The following ALK variants were observed in gnomAD, a reference collection of about 807,000 sequenced individuals.
ALK encodes ALK tyrosine kinase receptor.
In ALK, 74 loss-of-function variants were observed where a neutral mutation model predicts 163.1. The observed-to-expected ratio is 0.45, with a 90% CI of 0.38 to 0.55. The LOEUF is 0.55. Among genes scored for constraint, ALK ranks in the 20% least tolerant of loss-of-function variants. The probability of loss-of-function intolerance (pLI) is 0.00; values close to 1 mark genes in which losing one functional copy is unlikely to be tolerated. For synonymous variants in ALK, 960 were observed against 843.2 expected (o/e 1.14, Z -2.40); for missense variants, 2,063 against 2,105.3 (o/e 0.98, Z 0.39).
chr2:29,206,806 T>C (rs909572260), intron 26 of ALK, among the ~76,000 whole-genome samples: 3 of 152,026 alleles, frequency 2.0e-5, no homozygotes, highest in Non-Finnish European at 4.4e-5. Context: ...TGTGTATGTA[T>C]GTGTACTTTG....
chr2:29,895,119 C>A (rs917591736), intron 1 of ALK, among the ~76,000 whole-genome samples: 6 of 152,146 alleles, frequency 3.9e-5, no homozygotes, highest in African/African-American at 1.4e-4. Flanking sequence ...CTTAATGTAG[C>A]TTTTATGCCT....
At chr2:29,325,827 T>A (rs1667240614) in intron 6 of ALK, among the ~76,000 whole-genome samples, 1 of 152,174 alleles carries the variant, frequency 6.6e-6, no homozygotes, top group Admixed American at 6.6e-5. Context: ...TGAAAAGTGT[T>A]GAGAACAGCT....
intron 1 of ALK, among the ~76,000 whole-genome samples, chr2:29,870,085 A>C (rs1666539790): frequency 6.6e-6 from 1 of 152,220 alleles, no homozygotes; most frequent in East Asian, 1.9e-4. Flanking sequence ...TTTTTTTAAA[A>C]GTTGGTGAGT....
intron 2 of ALK, among the ~76,000 whole-genome samples, chr2:29,699,054 T>C (rs996206797): frequency 3.9e-5 from 6 of 152,230 alleles, no homozygotes; most frequent in Admixed American, 1.3e-4. Context: ...GTTCTAGACC[T>C]AGTGTGCTTC....
chr2:29,727,640 T>C (rs1558461697), intron 1 of ALK, among the ~76,000 whole-genome samples: 1 of 152,332 alleles, frequency 6.6e-6, no homozygotes, highest in East Asian at 1.9e-4. Context: ...CTAGAAATCC[T>C]TGTGCTTTTA....
intron 8 of ALK, among the ~76,000 whole-genome samples, chr2:29,303,308 G>A (rs1459372016): frequency 6.6e-6 from 1 of 152,098 alleles, no homozygotes; most frequent in Non-Finnish European, 1.5e-5. Flanking sequence ...AACCACCAGA[G>A]AAATGCAAAT....
chr2:29,434,438 T>C lies in ALK; in HGVS notation c.1155-50579A>G, dbSNP rs1002425600. Among the ~76,000 whole-genome samples, 69 of 152,328 alleles carry C rather than the reference T, an allele frequency of 4.5e-4. 1 individual carries two copies. Among genetic ancestry groups the C allele is most frequent in the Admixed American group, 2.3e-3 (35 of 15,298 alleles). On this transcript the variant is annotated intron_variant, in intron 4 of 28. Coordinates refer to ENST00000389048, the MANE Select transcript of ALK (RefSeq NM_004304.5). The stretch of plus-strand genomic sequence containing the variant: ...TATTGATTGTTCTCTGATGCATAAT[T>C]TGCATGGCTAAAATGGAAACACGTT...
At chr2:29,692,695 C>A (rs911900251) in intron 3 of ALK, among the ~76,000 whole-genome samples, 2 of 152,202 alleles carry the variant, frequency 1.3e-5, no homozygotes. Context: ...TGCATCCCAT[C>A]CTAACAGGCC....
intron 5 of ALK, among the ~76,000 whole-genome samples, chr2:29,381,151 T>C (rs1668886790): frequency 6.6e-6 from 1 of 152,274 alleles, no homozygotes; most frequent in Admixed American, 6.5e-5. Context: ...ACTAACTGAA[T>C]GACCCTGGCA....
chr2:29,341,918 G>C (rs941757558), intron 5 of ALK, among the ~76,000 whole-genome samples: 5 of 152,152 alleles, frequency 3.3e-5, no homozygotes, highest in African/African-American at 1.2e-4. Context: ...TCTCATGTGA[G>C]GGTCTGAACT....
At chr2:29,707,348 G>A (rs773158380) in intron 2 of ALK, among the ~76,000 whole-genome samples, 1 of 152,026 alleles carries the variant, frequency 6.6e-6, no homozygotes, top group East Asian at 1.9e-4. Flanking sequence ...CAGACTGCCC[G>A]AGCACAGACC....
chr2:29,897,190 G>C (rs921898785), intron 1 of ALK, among the ~76,000 whole-genome samples: 5 of 151,976 alleles, frequency 3.3e-5, no homozygotes, highest in Non-Finnish European at 7.4e-5. Context: ...CATGTTGATA[G>C]GTGCCTGTAA....
At chr2:29,755,597 C>T (rs1437526151) in intron 1 of ALK, among the ~76,000 whole-genome samples, 1 of 152,202 alleles carries the variant, frequency 6.6e-6, no homozygotes, top group Non-Finnish European at 1.5e-5. Flanking sequence ...GAGAGACAGG[C>T]TCACCATTCC....
In ALK at chr2:29,193,918, G is replaced by C. The variant is rs1293906412; in HGVS notation, c.4169C>G (p.Pro1390Arg). 1 of 1,614,142 alleles carries C rather than the reference G, an allele frequency of 6.2e-7. No homozygotes were observed. Among genetic ancestry groups the C allele is most frequent in the Non-Finnish European group, 8.5e-7 (1 of 1,180,018 alleles). The stretch of plus-strand genomic sequence containing the variant: ...CGGCAAAGCGGTGTTGATTACATCC[G>C]GGTCCTGCCGTAGGGGAAATTATTA... ...LERIEYCTQD[P>R]DVINTALPIE... Residue 1390 changes from proline (P) to arginine (R), a missense_variant, in exon 29 of 29, where the codon CCG (proline) becomes CGG (arginine). Transcript: ENST00000389048.
chr2:29,798,882 C>G (rs766223659), intron 1 of ALK, among the ~76,000 whole-genome samples: 1 of 152,172 alleles, frequency 6.6e-6, no homozygotes, highest in Non-Finnish European at 1.5e-5. Context: ...GAGAGGTCAT[C>G]GGTGTGATGG....
intron 9 of ALK, chr2:29,286,864 C>T (rs1665869854): frequency 6.6e-6 from 1 of 151,936 alleles, no homozygotes; most frequent in South Asian, 2.1e-4. Context: ...TCTCAAGTGA[C>T]ACTCTGATAG....
intron 4 of ALK, among the ~76,000 whole-genome samples, chr2:29,486,142 C>T (rs1275155097): frequency 6.6e-6 from 1 of 152,174 alleles, no homozygotes; most frequent in Admixed American, 6.5e-5. Flanking sequence ...TGTTATCTCT[C>T]CTTGTGCTGC....
intron 4 of ALK, among the ~76,000 whole-genome samples, chr2:29,453,082 A>G (rs1670862663): frequency 1.3e-5 from 2 of 152,252 alleles, no homozygotes; most frequent in South Asian, 2.1e-4. Flanking sequence ...TCTGTAGGAT[A>G]GCTAAGAGAA....
intron 5 of ALK, among the ~76,000 whole-genome samples, chr2:29,347,250 G>A (rs1309763859): frequency 1.3e-5 from 2 of 152,168 alleles, no homozygotes; most frequent in East Asian, 3.9e-4. Context: ...TAAGAGTGGG[G>A]TCTCTGGCCC....
Sources: gnomAD v4.1 joint callset for allele counts (sites outside exome capture counted in the v4.1 genomes callset) on GRCh38, gnomAD v4.1.1 for gene constraint, MANE v1.5 for transcripts, NCBI Gene and HGNC (gene_info 2026-07-23, HGNC 2026-07-21) for gene names.